WNT9A: variants seen among roughly 807,000 people sequenced by gnomAD.
The protein encoded by WNT9A is protein Wnt-9a.
A neutral mutation model predicts 31.4 loss-of-function variants in WNT9A; 8 were observed. The ratio of observed to expected loss-of-function variants is 0.26; its 90% CI spans 0.15 to 0.46. The LOEUF is 0.46. Ranked by LOEUF, WNT9A falls within the 20% of genes least tolerant of loss-of-function variation. The pLI, the probability that WNT9A is intolerant of heterozygous loss-of-function variation, is 0.99. For missense variants in WNT9A, 457 were observed against 522.9 expected (o/e 0.87, Z 1.23); for synonymous variants, 236 against 220.1 (o/e 1.07, Z -0.64).
chr1:227,922,363 G>A (rs10127943), intron 3 of WNT9A, among the ~76,000 whole-genome samples: 54,944 of 152,130 alleles, frequency 0.36, 10,474 homozygotes, highest in African/African-American at 0.5. Context: ...CAGTCCTGCC[G>A]GGACTTCACA....
chr1:227,938,967 G>T (rs911748730), intron 1 of WNT9A, among the ~76,000 whole-genome samples: 1 of 152,208 alleles, frequency 6.6e-6, no homozygotes, highest in African/African-American at 2.4e-5. Flanking sequence ...CCAGGCTCAC[G>T]GCAGCACCAG....
At position 227,924,187 on chromosome 1, in the gene WNT9A, T is replaced by C. The variant is rs894757369; in HGVS notation, c.566A>G (p.Lys189Arg). Residue 189 changes from lysine to arginine, a missense_variant, in exon 3 of 4, where the codon AAG (lysine) becomes AGG (arginine). Coordinates refer to ENST00000272164, the MANE Select transcript of WNT9A (RefSeq NM_003395.4). ...GAAGTCCACACGGGCTCGCAGATCC[T>C]TGCTTGACCGTCTGCCCAGGAATTC... ...VKEFLGRRSS[K>R]DLRARVDFHN... is the part of the protein sequence containing the mutation. The C allele has an allele frequency of 2.6e-6, 4 of 1,541,404 alleles. No individual in the cohort carries two copies. Among genetic ancestry groups the C allele is most frequent in the East Asian group, 5.1e-5 (2 of 39,240 alleles).
In WNT9A at chr1:227,921,609, G is replaced by A; in HGVS notation, c.1007C>T (p.Thr336Ile). Residue 336 changes from threonine (T) to isoleucine (I), a missense_variant, in exon 4 of 4, where the codon ACA (threonine) becomes ATA (isoleucine). Coordinates refer to ENST00000272164, the MANE Select transcript of WNT9A (RefSeq NM_003395.4). ...RGHNTQSRVV[T>I]RPCQCQVRWC... is the part of the protein sequence containing the mutation. ...ACGCACCTGGCACTGGCAGGGCCTT[G>A]TCACCACCCGGCTCTGTGTGTTATG... The A allele has an allele frequency of 1.2e-6, 2 of 1,613,464 alleles. No homozygotes were observed. Among genetic ancestry groups the A allele is most frequent in the South Asian group, 1.1e-5 (1 of 91,088 alleles).
intron 1 of WNT9A, among the ~76,000 whole-genome samples, chr1:227,927,686 C>T (rs866378580): frequency 2.2e-4 from 33 of 152,198 alleles, no homozygotes; most frequent in African/African-American, 7.7e-4. Flanking sequence ...ACCTCCATCC[C>T]CAGACGGAAC....
intron 1 of WNT9A, among the ~76,000 whole-genome samples, chr1:227,933,813 T>C (rs1210331341): frequency 6.6e-6 from 1 of 152,084 alleles, no homozygotes; most frequent in Admixed American, 6.6e-5. Flanking sequence ...TCGCTGTGAA[T>C]TCACCGATAT....
chr1:227,927,645 C>A (rs1465867460), intron 1 of WNT9A, among the ~76,000 whole-genome samples: 1 of 152,122 alleles, frequency 6.6e-6, no homozygotes, highest in Non-Finnish European at 1.5e-5. Flanking sequence ...GAGAGCCGCA[C>A]CTCACACACA....
intron 1 of WNT9A, among the ~76,000 whole-genome samples, chr1:227,946,466 C>G (rs958017049): frequency 2.0e-5 from 3 of 152,212 alleles, no homozygotes; most frequent in African/African-American, 7.2e-5. Context: ...CTCCTGCCCT[C>G]CCGGGTGAGG....
At chr1:227,944,442 G>A (rs1375472075) in intron 1 of WNT9A, among the ~76,000 whole-genome samples, 1 of 152,188 alleles carries the variant, frequency 6.6e-6, no homozygotes, top group African/African-American at 2.4e-5. Flanking sequence ...ACAGTGGTGA[G>A]AGCTGCATGG....
Position 227,926,427 on chromosome 1 carries a change from C to G in WNT9A, c.96-908G>C, listed in dbSNP as rs1572126211. On this transcript the variant is annotated intron_variant, in intron 1 of 3. Transcript: ENST00000272164. This position sits in a 1 kb window ranked among gnomAD's most constrained non-coding sequence, Gnocchi z 5.0. ...ACTTCACAAGGCTTCCCTCACACCCCGCCCTGGCCCAGCCCAGCCCATATC... is the reference window on the plus strand; with the variant it reads ...ACTTCACAAGGCTTCCCTCACACCCGGCCCTGGCCCAGCCCAGCCCATATC... 6.6e-6 allele frequency among the ~76,000 whole-genome samples: 1 copy of G among 152,046 alleles called. No individual in the cohort carries two copies. The highest frequency in any genetic ancestry group is 2.1e-4 in the South Asian group (1 of 4,828).
Position 227,942,554 on chromosome 1 carries a change from G to A in WNT9A, c.95+5239C>T, listed in dbSNP as rs1666724753. 1.3e-5 allele frequency among the ~76,000 whole-genome samples: 2 copies of A among 152,074 alleles called. No individual in the cohort carries two copies. The highest frequency in any genetic ancestry group is 1.3e-4 in the Admixed American group (2 of 15,282). On this transcript the variant is annotated intron_variant, in intron 1 of 3. Coordinates refer to ENST00000272164, the MANE Select transcript of WNT9A (RefSeq NM_003395.4). This position sits in a 1 kb window ranked among gnomAD's most constrained non-coding sequence, Gnocchi z 5.7. ...CTCTCCATGCTAAGAAGTCCCCAGG[G>A]AGTCCCCTGGCCCCCAGGGCCCCTC...
intron 1 of WNT9A, among the ~76,000 whole-genome samples, chr1:227,936,858 T>G (rs1053260415): frequency 6.6e-6 from 1 of 152,190 alleles, no homozygotes; most frequent in Admixed American, 6.5e-5. Context: ...GGGAAGACAC[T>G]GGGCTTCTGG....
chr1:227,934,853 G>A (rs1449107101), intron 1 of WNT9A, among the ~76,000 whole-genome samples: 1 of 148,078 alleles, frequency 6.8e-6, no homozygotes, highest in South Asian at 2.2e-4. Context: ...ATAGCCTCAG[G>A]TAAGCTCAAG....
intron 3 of WNT9A, 66 bp from the exon 4 acceptor site, chr1:227,922,066 C>A: frequency 2.0e-6 from 3 of 1,530,512 alleles, no homozygotes; most frequent in Non-Finnish European, 2.6e-6. Flanking sequence ...TGAGCAGACC[C>A]TGCCCTGGAC....
chr1:227,947,715 C>G, intron 1 of WNT9A, 78 bp downstream of exon 1: 1 of 908,100 alleles, frequency 1.1e-6, no homozygotes, highest in South Asian at 5.0e-5. Context: ...CCCCGGGTGC[C>G]TCGGGGACTC....
Position 227,921,354 on chromosome 1 carries a change from GA to G in WNT9A, c.*163del, listed in dbSNP as rs1437563373. On this transcript the variant is annotated 3_prime_UTR_variant, in exon 4 of 4. Coordinates refer to ENST00000272164, the MANE Select transcript of WNT9A (RefSeq NM_003395.4). ...CCACGCTGCTAGGTCTGAGCCCAGG[GA>G]CTCAGCCCATGCAGGTGTAGACCCA... 8.7e-7 allele frequency: 1 copy of G among 1,149,260 alleles called. No individual in the cohort carries two copies. Among genetic ancestry groups the G allele is most frequent in the Non-Finnish European group, 1.2e-6 (1 of 827,492 alleles). 71.2% of individuals were successfully genotyped at this position (1,149,260 alleles called of 1,614,324 possible). A position where few individuals can be genotyped will look rare whatever the true frequency, so the allele number is the denominator to read the frequency against.
chr1:227,937,737 G>A (rs569247523), intron 1 of WNT9A, among the ~76,000 whole-genome samples: 9 of 152,232 alleles, frequency 5.9e-5, no homozygotes, highest in African/African-American at 1.9e-4. Context: ...ATGGCCCTGC[G>A]GACGCCGTGA....
In WNT9A at chr1:227,926,595, C is replaced by T. The variant is rs1362332364; in HGVS notation, c.96-1076G>A. Reference sequence around the variant, plus strand: ...ATGGGTGGACTGAATGTCAGGGGCCCCAGGCACGGCCACCTCAAGCCAGAC... The same window carrying T: ...ATGGGTGGACTGAATGTCAGGGGCCTCAGGCACGGCCACCTCAAGCCAGAC... On this transcript the variant is annotated intron_variant, in intron 1 of 3. Transcript: ENST00000272164. The surrounding 1 kb of genome is among the most constrained non-coding windows in gnomAD (Gnocchi z 5.0). Among the ~76,000 whole-genome samples, 2 of 152,128 alleles carry T rather than the reference C, an allele frequency of 1.3e-5. No individual in the cohort carries two copies. The highest frequency in any genetic ancestry group is 2.9e-5 in the Non-Finnish European group (2 of 68,020).
chr1:227,939,336 C>T (rs1176895076), intron 1 of WNT9A, among the ~76,000 whole-genome samples: 1 of 152,300 alleles, frequency 6.6e-6, no homozygotes, highest in African/African-American at 2.4e-5. Flanking sequence ...GAGACCATTC[C>T]CCAGCCCCAC....
chr1:227,942,966 C>T lies in WNT9A; in HGVS notation c.95+4827G>A, dbSNP rs1042726035. ...CACCTCAGGCCCACCCCTCCTTCTC[C>T]GGCCCTGCCAGGGACCCACAGGTGC... On this transcript the variant is annotated intron_variant, in intron 1 of 3. Coordinates refer to ENST00000272164, the MANE Select transcript of WNT9A (RefSeq NM_003395.4). This position sits in a 1 kb window ranked among gnomAD's most constrained non-coding sequence, Gnocchi z 5.7. Among the ~76,000 whole-genome samples, 5 of 151,854 alleles carry T rather than the reference C, an allele frequency of 3.3e-5. No homozygotes were observed. The highest frequency in any genetic ancestry group is 5.9e-5 in the Non-Finnish European group (4 of 67,862).
Sources: gnomAD v4.1 joint callset for allele counts (sites outside exome capture counted in the v4.1 genomes callset) on GRCh38, gnomAD v4.1.1 for gene constraint, Gnocchi (gnomAD v3.1) non-coding constraint, MANE v1.5 for transcripts, NCBI Gene and HGNC (gene_info 2026-07-23, HGNC 2026-07-21) for gene names.